The following TRMT11 variants were observed in gnomAD, a reference collection of about 807,000 sequenced individuals.
TRMT11 encodes tRNA methyltransferase 11, also known as tRNA (guanine(10)-N(2))-methyltransferase TRMT11.
In TRMT11, 53 loss-of-function variants were observed where a neutral mutation model predicts 62.8. The observed-to-expected ratio is 0.84, with a 90% CI of 0.68 to 1.06. The LOEUF (loss-of-function observed/expected upper bound fraction) is 1.06. TRMT11 is among the 50% of genes least tolerant of loss of function. The pLI, the probability that TRMT11 is intolerant of heterozygous loss-of-function variation, is 0.00. For synonymous variants in TRMT11, 188 were observed against 190.3 expected (o/e 0.99, Z 0.10); for missense variants, 556 against 553.4 (o/e 1.00, Z -0.05).
chr6:126,146,718 AT>A (rs1777979391), intron 21 of TRMT11, among the ~76,000 whole-genome samples: 1 of 152,058 alleles, frequency 6.6e-6, no homozygotes, highest in African/African-American at 2.4e-5. Context: ...GGGTTTCACC[AT>A]GCTGGCCAGG....
At chr6:126,269,552 C>A in the TRMT11 span, among the ~76,000 whole-genome samples, 4 of 152,140 alleles carry the variant, frequency 2.6e-5, no homozygotes, top group Non-Finnish European at 4.4e-5. Context: ...AATCCCACTT[C>A]TGATCATTTA....
At chr6:126,134,122 AC>A (rs947269658) in intron 21 of TRMT11, among the ~76,000 whole-genome samples, 5 of 151,966 alleles carry the variant, frequency 3.3e-5, no homozygotes, top group African/African-American at 9.7e-5. Context: ...TAAACAAGTA[AC>A]AAAATGGCAG....
Position 125,998,180 on chromosome 6 carries a change from G to A in TRMT11, c.295-43G>A, listed in dbSNP as rs775147732. On this transcript the variant is annotated intron_variant, in intron 4 of 12. Coordinates refer to ENST00000334379, the MANE Select transcript of TRMT11 (RefSeq NM_001031712.3). ...TTATATAGGCATGCGTGCAGATTCTGTAGAATTAAAATACTCAAAAAACTG... is the reference window on the plus strand; with the variant it reads ...TTATATAGGCATGCGTGCAGATTCTATAGAATTAAAATACTCAAAAAACTG... 3.8e-6 allele frequency: 6 copies of A among 1,596,050 alleles called. No homozygotes were observed. In the African/African-American group the frequency reaches 6.7e-5, roughly 18 times the overall value.
At chr6:126,095,739 C>CAAA (rs1562321951) in intron 17 of TRMT11, among the ~76,000 whole-genome samples, 4 of 152,062 alleles carry the variant, frequency 2.6e-5, no homozygotes, top group African/African-American at 9.7e-5. Context: ...GTAATGGAAG[C>CAAA]AACTAACTAT....
At position 126,038,801 on chromosome 6, in the gene TRMT11, A is replaced by G. The variant is rs754390822; in HGVS notation, c.1357A>G (p.Arg453Gly). The G allele has an allele frequency of 6.2e-7, 1 of 1,603,390 alleles. No homozygotes were observed. The highest frequency in any genetic ancestry group is 8.5e-7 in the Non-Finnish European group (1 of 1,176,032). The change falls in exon 13 of 13, where the codon AGA (arginine) becomes GGA (glycine). Residue 453 changes from arginine (R) to glycine (G), a missense_variant. Physicochemically the swap from Arg to Gly is moderately radical, Grantham distance 125. Transcript: ENST00000334379. ...REKYFSGVTK[R>G]IAKEEKSTQE ...GAAATATTTTAGTGGGGTAACAAAA[A>G]GAATTGCCAAGGAAGAAAAATCCAC...
chr6:126,075,451 AT>A (rs771281115), intron 17 of TRMT11, among the ~76,000 whole-genome samples: 1 of 151,688 alleles, frequency 6.6e-6, no homozygotes, highest in Admixed American at 6.6e-5. Flanking sequence ...ATGAGATCCG[AT>A]TGTTTAAAAG....
chr6:126,234,327 T>TA, the TRMT11 span, among the ~76,000 whole-genome samples: 2 of 152,184 alleles, frequency 1.3e-5, no homozygotes, highest in African/African-American at 4.8e-5. Flanking sequence ...CTGAAATGTA[T>TA]AAAAAATTTC....
chr6:126,123,327 G>A (rs1057284424), intron 21 of TRMT11, among the ~76,000 whole-genome samples: 2 of 152,070 alleles, frequency 1.3e-5, no homozygotes, highest in Admixed American at 6.6e-5. Flanking sequence ...GGAGTGTATG[G>A]CGATTTGTGC....
chr6:126,040,219 A>G (rs1775834694), downstream of TRMT11, among the ~76,000 whole-genome samples: 1 of 152,120 alleles, frequency 6.6e-6, no homozygotes, highest in South Asian at 2.1e-4. Flanking sequence ...TAGTTCTGGA[A>G]AGTTGGAATA....
At chr6:126,256,864 TTTTG>T in the TRMT11 span, among the ~76,000 whole-genome samples, 77 of 152,088 alleles carry the variant, frequency 5.1e-4, no homozygotes, top group African/African-American at 1.1e-3. Flanking sequence ...TTTTTTTGTT[TTTTG>T]TTTGTTTGTT....
chr6:126,217,942 T>C, the TRMT11 span, among the ~76,000 whole-genome samples: 1 of 152,148 alleles, frequency 6.6e-6, no homozygotes, highest in African/African-American at 2.4e-5. Flanking sequence ...CTACTGCAGC[T>C]GAGCTGGCAC....
chr6:126,083,531 T>C (rs1029354123), intron 17 of TRMT11, among the ~76,000 whole-genome samples: 3 of 152,178 alleles, frequency 2.0e-5, no homozygotes, highest in African/African-American at 7.2e-5. Context: ...CAACATGATG[T>C]TATGGGATAC....
chr6:126,135,635 A>G (rs1777841511), intron 21 of TRMT11, among the ~76,000 whole-genome samples: 1 of 151,858 alleles, frequency 6.6e-6, no homozygotes, highest in African/African-American at 2.4e-5. Context: ...AATTCATTGT[A>G]TACAGCCAGC....
intron 21 of TRMT11, among the ~76,000 whole-genome samples, chr6:126,124,758 C>T (rs777023172): frequency 6.6e-6 from 1 of 152,062 alleles, no homozygotes. Flanking sequence ...TGTGAGCATG[C>T]GCAGACAGGA....
chr6:126,135,753 CAG>C (rs1777842673), intron 21 of TRMT11, among the ~76,000 whole-genome samples: 1 of 151,694 alleles, frequency 6.6e-6, no homozygotes, highest in Admixed American at 6.6e-5. Context: ...TACTAGCAAA[CAG>C]AATTCAACAA....
intron 21 of TRMT11, among the ~76,000 whole-genome samples, chr6:126,140,434 T>C (rs1348647264): frequency 6.6e-6 from 1 of 152,122 alleles, no homozygotes; most frequent in African/African-American, 2.4e-5. Flanking sequence ...GAAAAGTTTA[T>C]ATAACACAAG....
chr6:126,210,980 CTTT>C, the TRMT11 span, among the ~76,000 whole-genome samples: 444 of 131,660 alleles, frequency 3.4e-3, 3 homozygotes, highest in African/African-American at 0.011. Flanking sequence ...ATAACATTCC[CTTT>C]TTTTTTTTTT....
rs188412184 is a variant in TRMT11 at position 126,189,458 on chromosome 6, T to A, written n.144-9341T>A. On this transcript the variant is annotated intron_variant and non_coding_transcript_variant, in intron 1 of 3. Transcript: ENST00000444229. ...TTTGCCAATTTTATAGGCAAAAATA[T>A]CTTGCATTTAAAAAAATTAAATCCA... Among the ~76,000 whole-genome samples, 807 of 152,254 alleles carry A rather than the reference T, an allele frequency of 5.3e-3. 8 individuals are homozygous for A. Among genetic ancestry groups the A allele is most frequent in the African/African-American group, 0.018 (727 of 41,538 alleles).
At chr6:126,206,358 G>T (rs1010840334), downstream of TRMT11, among the ~76,000 whole-genome samples, 8 of 152,076 alleles carry the variant, frequency 5.3e-5, no homozygotes, top group African/African-American at 1.7e-4. Context: ...TTCTGTTTTA[G>T]TAAGTTTGAG....
Sources: gnomAD v4.1 joint callset for allele counts (sites outside exome capture counted in the v4.1 genomes callset) on GRCh38, gnomAD v4.1.1 for gene constraint, MANE v1.5 for transcripts, NCBI Gene and HGNC (gene_info 2026-07-23, HGNC 2026-07-21) for gene names.